BICRA: variants seen among roughly 807,000 people sequenced by gnomAD.
BICRA encodes BRD4-interacting chromatin-remodeling complex-associated protein.
A neutral mutation model predicts 96.9 loss-of-function variants in BICRA; 31 were observed. The ratio of observed to expected loss-of-function variants is 0.32; its 90% CI spans 0.24 to 0.43. BICRA has a LOEUF of 0.43. Ranked by LOEUF, BICRA falls within the 20% of genes least tolerant of loss-of-function variation. The probability of loss-of-function intolerance (pLI) is 1.00; values close to 1 mark genes in which losing one functional copy is unlikely to be tolerated. For synonymous variants in BICRA, 1,350 were observed against 1,071.8 expected (o/e 1.26, Z -5.07); for missense variants, 2,283 against 2,190.3 (o/e 1.04, Z -0.84).
chr19:47,677,215 G>A (rs957154684), intron 5 of BICRA, among the ~76,000 whole-genome samples: 1 of 152,206 alleles, frequency 6.6e-6, no homozygotes, highest in African/African-American at 2.4e-5. Context: ...GGGTGATACC[G>A]TGAACCCTCC....
rs1487923942 is a variant in BICRA at position 47,701,621 on chromosome 19, A to G, written c.3889A>G (p.Ile1297Val). 1.3e-6 allele frequency: 2 copies of G among 1,573,776 alleles called. No homozygotes were observed. Among genetic ancestry groups the G allele is most frequent in the Non-Finnish European group, 1.7e-6 (2 of 1,161,266 alleles). The change falls in exon 15 of 15, where the codon ATC becomes GTC. Residue 1297 changes from isoleucine to valine, a missense_variant. By Grantham distance (29) the Ile-to-Val change is conservative. Coordinates refer to ENST00000594866, the MANE Select transcript of BICRA (RefSeq NM_001394372.1). The surrounding 1 kb of genome is among the most constrained non-coding windows in gnomAD (Gnocchi z 5.4). ...CATGCCCTCCCGCAACCGCCCGCCC[A>G]TCAAGACCTACGAGGCCCGGAGCCG... ...GPMPSRNRPP[I>V]KTYEARSRIG... is the part of the protein sequence containing the mutation.
chr19:47,701,617 G>A lies in BICRA; in HGVS notation c.3885G>A (p.Pro1295=), dbSNP rs1286598785. The change falls in exon 15 of 15, where the codon CCG becomes CCA. Residue 1295 remains proline, a synonymous_variant. Transcript: ENST00000594866. This position sits in a 1 kb window ranked among gnomAD's most constrained non-coding sequence, Gnocchi z 5.4. ...GCCCCATGCCCTCCCGCAACCGCCC[G>A]CCCATCAAGACCTACGAGGCCCGGA... The part of the protein sequence containing the change: ...EDGPMPSRNR[P]PIKTYEARSR... 1.1e-5 allele frequency: 17 copies of A among 1,569,256 alleles called. No individual in the cohort carries two copies. The highest frequency in any genetic ancestry group is 7.0e-5 in the South Asian group (6 of 85,522).
At position 47,701,840 on chromosome 19, in the gene BICRA, G is replaced by GC; in HGVS notation, c.4113dup (p.Glu1372ArgfsTer124). 1.3e-6 allele frequency: 2 copies of GC among 1,517,688 alleles called. No individual in the cohort carries two copies. The highest frequency in any genetic ancestry group is 8.8e-7 in the Non-Finnish European group (1 of 1,136,806). 94.0% of individuals were successfully genotyped at this position (1,517,688 alleles called of 1,614,324 possible). ...CACGGTGGACCACCCGCCGCCTGCC[G>GC]CCCCCGAGCGCAAGCCCCTGGGCAC... is the stretch of plus-strand genomic sequence containing the variant. On this transcript the variant is annotated frameshift_variant, in exon 15 of 15. Coordinates refer to ENST00000594866, the MANE Select transcript of BICRA (RefSeq NM_001394372.1). LOFTEE classifies it high-confidence loss of function. The surrounding 1 kb of genome is among the most constrained non-coding windows in gnomAD (Gnocchi z 5.4).
chr19:47,630,987 A>T (rs1459737678), intron 1 of BICRA, among the ~76,000 whole-genome samples: 1 of 152,038 alleles, frequency 6.6e-6, no homozygotes, highest in Non-Finnish European at 1.5e-5. Context: ...CTCAGTTGGG[A>T]CTCGACATAT....
chr19:47,659,685 T>TACACAC (rs10567798), intron 1 of BICRA, among the ~76,000 whole-genome samples: 2,247 of 132,464 alleles, frequency 0.017, 30 homozygotes, highest in Middle Eastern at 0.041. Context: ...TGGTGGTGCA[T>TACACAC]ACACACACAC....
chr19:47,653,015 CTTTTT>C (rs869230602), intron 1 of BICRA, among the ~76,000 whole-genome samples: 1 of 113,724 alleles, frequency 8.8e-6, no homozygotes, highest in Admixed American at 9.0e-5. Context: ...CGTCCTCATT[CTTTTT>C]TTTTTTTTTT....
Position 47,680,646 on chromosome 19 carries a change from C to T in BICRA, c.1476C>T (p.Asn492=), listed in dbSNP as rs372970799. ...AGCAGCTCTCAGCCCTGCCGGCCAA[C>T]GTGGGCGGGCAGATCCTGGCGGCCG... The part of the protein sequence containing the change: ...LPQQLSALPA[N]VGGQILAAAA... Residue 492 remains asparagine, a synonymous_variant, in exon 6 of 15, where the codon AAC becomes AAT. Coordinates refer to ENST00000594866, the MANE Select transcript of BICRA (RefSeq NM_001394372.1). 2.1e-4 allele frequency: 337 copies of T among 1,608,862 alleles called. No homozygotes were observed. Among genetic ancestry groups the T allele is most frequent in the Non-Finnish European group, 2.7e-4 (322 of 1,177,872 alleles).
intron 1 of BICRA, among the ~76,000 whole-genome samples, chr19:47,667,049 T>C (rs571853991): frequency 2.3e-4 from 34 of 148,738 alleles, no homozygotes; most frequent in East Asian, 6.1e-4. Context: ...GACGGAGTCT[T>C]GCTCTGTCGC....
chr19:47,667,114 G>T (rs1268892880), intron 1 of BICRA, among the ~76,000 whole-genome samples: 2 of 151,738 alleles, frequency 1.3e-5, no homozygotes, highest in African/African-American at 4.8e-5. Context: ...CGCCTCCCGG[G>T]TTCACGCCAT....
chr19:47,655,493 C>T (rs1178639371), intron 1 of BICRA, among the ~76,000 whole-genome samples: 2 of 143,532 alleles, frequency 1.4e-5, no homozygotes, highest in Non-Finnish European at 3.0e-5. Context: ...CCACTGTACT[C>T]CAGCCTGGGC....
chr19:47,698,849 C>T lies in BICRA; in HGVS notation c.3397+67C>T. 1 of 1,433,250 alleles carries T rather than the reference C, an allele frequency of 7.0e-7. No homozygotes were observed. The highest frequency in any genetic ancestry group is 9.6e-7 in the Non-Finnish European group (1 of 1,040,370). 88.8% of individuals were successfully genotyped at this position (1,433,250 alleles called of 1,614,324 possible). A position where few individuals can be genotyped will look rare whatever the true frequency, so the allele number is the denominator to read the frequency against. On this transcript the variant is annotated intron_variant, in intron 12 of 14. Coordinates refer to ENST00000594866, the MANE Select transcript of BICRA (RefSeq NM_001394372.1). This position sits in a 1 kb window ranked among gnomAD's most constrained non-coding sequence, Gnocchi z 4.8. ...CCCCAGCCCGTGGGGCGGGGCGTCGCCAGTGTGGAGCCGCAGGTCCACGGT... is the reference window on the plus strand; with the variant it reads ...CCCCAGCCCGTGGGGCGGGGCGTCGTCAGTGTGGAGCCGCAGGTCCACGGT...
At chr19:47,636,432 C>T (rs952318541) in intron 1 of BICRA, among the ~76,000 whole-genome samples, 1 of 152,200 alleles carries the variant, frequency 6.6e-6, no homozygotes, top group South Asian at 2.1e-4. Flanking sequence ...TGGTCTCCAA[C>T]TCTTGAGCTC....
Position 47,698,809 on chromosome 19 carries a change from A to C in BICRA, c.3397+27A>C. On this transcript the variant is annotated intron_variant, in intron 12 of 14. Coordinates refer to ENST00000594866, the MANE Select transcript of BICRA (RefSeq NM_001394372.1). The surrounding 1 kb of genome is among the most constrained non-coding windows in gnomAD (Gnocchi z 4.8). Reference sequence around the variant, plus strand: ...TGAGGCCTCCCCAGGACACGGCCCTATATGTCCCAGGGGACCCCAGCCCGT... The same window carrying C: ...TGAGGCCTCCCCAGGACACGGCCCTCTATGTCCCAGGGGACCCCAGCCCGT... 1 of 1,566,516 alleles carries C rather than the reference A, an allele frequency of 6.4e-7. No homozygotes were observed. Among genetic ancestry groups the C allele is most frequent in the Middle Eastern group, 1.7e-4 (1 of 5,966 alleles).
chr19:47,617,386 C>G (rs1972001147), intron 1 of BICRA, among the ~76,000 whole-genome samples: 2 of 151,458 alleles, frequency 1.3e-5, no homozygotes, highest in East Asian at 1.9e-4. Context: ...TTTTTTGAGA[C>G]AGGCTCTCAC....
intron 1 of BICRA, among the ~76,000 whole-genome samples, chr19:47,623,840 C>T (rs1972100000): frequency 6.8e-6 from 1 of 146,034 alleles, no homozygotes; most frequent in East Asian, 2.0e-4. Flanking sequence ...TTCTTTCTCT[C>T]TCTCTCTTTT....
chr19:47,696,923 G>T (rs1712057729), intron 11 of BICRA, among the ~76,000 whole-genome samples: 1 of 151,946 alleles, frequency 6.6e-6, no homozygotes, highest in Non-Finnish European at 1.5e-5. Context: ...ATGGATGGGA[G>T]TCTGGGCGGA....
intron 1 of BICRA, among the ~76,000 whole-genome samples, chr19:47,623,273 G>C (rs1972092126): frequency 6.6e-6 from 1 of 152,094 alleles, no homozygotes; most frequent in Non-Finnish European, 1.5e-5. Context: ...TCCTCCTGCT[G>C]CTTTTCCTCC....
intron 9 of BICRA, 23 bp from the exon 10 acceptor site, chr19:47,695,342 T>TCCCAC: frequency 7.9e-6 from 5 of 630,192 alleles, no homozygotes; most frequent in South Asian, 1.9e-5. Context: ...AGGCCCTGTC[T>TCCCAC]CCCCCACCCC....
chr19:47,656,706 C>T (rs925030913), intron 1 of BICRA, among the ~76,000 whole-genome samples: 5 of 152,174 alleles, frequency 3.3e-5, no homozygotes, highest in African/African-American at 1.2e-4. Context: ...CAAATATTAC[C>T]TGTGTAAGCA....
Sources: allele counts gnomAD v4.1 joint callset (sites outside exome capture counted in the v4.1 genomes callset), GRCh38; gene constraint gnomAD v4.1.1; non-coding constraint Gnocchi (gnomAD v3.1); transcripts MANE v1.5; gene names NCBI Gene and HGNC (gene_info 2026-07-23, HGNC 2026-07-21).